ECT2: variants seen among roughly 807,000 people sequenced by gnomAD.
ECT2 encodes protein ECT2.
A neutral mutation model predicts 116.9 loss-of-function variants in ECT2; 61 were observed. That is an observed-to-expected ratio of 0.52 (90% CI 0.42 to 0.65). ECT2 has a LOEUF of 0.65. Among genes scored for constraint, ECT2 ranks in the 30% least tolerant of loss-of-function variants. ECT2 has a pLI of 0.00. For synonymous variants in ECT2, 358 were observed against 346.4 expected, an observed-to-expected ratio of 1.03 and a Z score of -0.37; for missense variants, 937 against 1,078.7, an observed-to-expected ratio of 0.87 and a Z score of 1.84.
intron 14 of ECT2, among the ~76,000 whole-genome samples, chr3:172,777,300 C>CT (rs1353054962): frequency 1.3e-5 from 2 of 151,966 alleles, no homozygotes; most frequent in Non-Finnish European, 2.9e-5. Flanking sequence ...AGTGTTAAAA[C>CT]TTTTTTTTAC....
chr3:172,802,684 A>G lies in ECT2; in HGVS notation c.1976A>G (p.Asp659Gly). The G allele has an allele frequency of 5.0e-6, 8 of 1,600,550 alleles. No individual in the cohort carries two copies. The highest frequency in any genetic ancestry group is 6.8e-6 in the Non-Finnish European group (8 of 1,173,148). The part of the protein sequence containing the change: ...KQIFDVVYEV[D>G]GCPANLLSSH... ...ATTTTTGATGTTGTTTATGAAGTAG[A>G]TGGATGCCCAGTAAGTATTCTTCTT... The change falls in exon 19 of 25, where the codon GAT (aspartate) becomes GGT (glycine). Residue 659 changes from aspartate (D) to glycine (G), a missense_variant. Physicochemically the swap from Asp to Gly is moderately conservative, Grantham distance 94. Transcript: ENST00000392692.
chr3:172,771,042 C>A (rs1275119198), intron 13 of ECT2, among the ~76,000 whole-genome samples: 3 of 151,950 alleles, frequency 2.0e-5, no homozygotes, highest in African/African-American at 7.2e-5. Flanking sequence ...TCGAAGTGAA[C>A]TTTTTTTTCT....
At chr3:172,824,511 TC>T (rs1345824281), downstream of ECT2, among the ~76,000 whole-genome samples, 1 of 152,032 alleles carries the variant, frequency 6.6e-6, no homozygotes, top group Non-Finnish European at 1.5e-5. Flanking sequence ...TCCAATTACC[TC>T]CCACCAGGCC....
At chr3:172,754,908 G>T (rs1018327558) in intron 2 of ECT2, among the ~76,000 whole-genome samples, 1 of 151,960 alleles carries the variant, frequency 6.6e-6, no homozygotes, top group Non-Finnish European at 1.5e-5. Context: ...ATGTGAGGGC[G>T]GTCTAGCTAC....
intron 13 of ECT2, among the ~76,000 whole-genome samples, chr3:172,770,454 A>G (rs547330140): frequency 2.7e-4 from 41 of 152,340 alleles, no homozygotes; most frequent in Non-Finnish European, 5.4e-4. Flanking sequence ...AAACTCATCA[A>G]AGGTTTGTTT....
rs1008089831 is a variant in ECT2, at chr3:172,762,750, A to G, written c.949A>G (p.Ile317Val). 5.0e-6 allele frequency: 8 copies of G among 1,613,178 alleles called. No homozygotes were observed. The Admixed American group carries it at 1.0e-4, about 20-fold the overall frequency. ...RCTHLVVEEN[I>V]VKDLPFEPSK... ...CACTCACCTTGTAGTTGAAGAGAATATAGTAAAAGATCTTCCCTTTGAACC... is the reference window on the plus strand; with the variant it reads ...CACTCACCTTGTAGTTGAAGAGAATGTAGTAAAAGATCTTCCCTTTGAACC... Residue 317 changes from isoleucine (I) to valine (V), a missense_variant, in exon 10 of 25, where the codon ATA becomes GTA. Coordinates refer to ENST00000392692, the MANE Select transcript of ECT2 (RefSeq NM_001258315.2).
intron 3 of ECT2, 23 bp from the exon 4 acceptor site, chr3:172,755,460 A>G (rs1716787760): frequency 1.3e-6 from 2 of 1,497,738 alleles, no homozygotes; most frequent in Non-Finnish European, 9.0e-7. Flanking sequence ...TCTTAACCTC[A>G]TACTTAAGTC....
chr3:172,768,207 G>A (rs1038081805), intron 12 of ECT2, among the ~76,000 whole-genome samples: 5 of 152,000 alleles, frequency 3.3e-5, no homozygotes, highest in African/African-American at 7.2e-5. Context: ...ACAAGTTTTC[G>A]TTATTGTAAT....
At chr3:172,763,683 T>G (rs1462841421) in intron 11 of ECT2, among the ~76,000 whole-genome samples, 11 of 152,152 alleles carry the variant, frequency 7.2e-5, no homozygotes, top group Non-Finnish European at 1.2e-4. Context: ...TGGTGAAGAG[T>G]AGTATCACTC....
At chr3:172,792,353 A>G (rs1724825748) in intron 18 of ECT2, among the ~76,000 whole-genome samples, 2 of 152,212 alleles carry the variant, frequency 1.3e-5, no homozygotes, top group Admixed American at 1.3e-4. Flanking sequence ...CAACAAAGAA[A>G]ACACTATATG....
chr3:172,778,532 C>T (rs1722146751), intron 14 of ECT2, among the ~76,000 whole-genome samples: 1 of 148,472 alleles, frequency 6.7e-6, no homozygotes, highest in African/African-American at 2.5e-5. Flanking sequence ...AGGAAAGTTA[C>T]TTAATCTCTC....
At chr3:172,786,415 C>G (rs1285005736) in intron 17 of ECT2, 78 bp from the exon 18 acceptor site, 16 of 871,632 alleles carry the variant, frequency 1.8e-5, no homozygotes, top group Non-Finnish European at 2.5e-5. Context: ...TTAGCTGTAT[C>G]AAGATGGACA....
chr3:172,808,027 G>A (rs1031570534), intron 22 of ECT2, 103 bp downstream of exon 22: 18 of 1,175,608 alleles, frequency 1.5e-5, no homozygotes, highest in East Asian at 1.3e-4. Flanking sequence ...TGAATGGAGA[G>A]TTTTAGTTTT....
chr3:172,778,172 G>C (rs1264079650), intron 14 of ECT2, among the ~76,000 whole-genome samples: 1 of 152,148 alleles, frequency 6.6e-6, no homozygotes, highest in Non-Finnish European at 1.5e-5. Flanking sequence ...AGCCCCATCT[G>C]TTTATGACTT....
intron 1 of ECT2, chr3:172,752,469 G>A (rs1716078085): frequency 1.3e-5 from 2 of 151,882 alleles, no homozygotes; most frequent in Middle Eastern, 3.5e-3. Context: ...AGTCCTTAAA[G>A]CAGGTTAGCT....
intron 24 of ECT2, among the ~76,000 whole-genome samples, chr3:172,817,329 A>G (rs1219129170): frequency 6.6e-6 from 1 of 152,148 alleles, no homozygotes; most frequent in Non-Finnish European, 1.5e-5. Context: ...AAACCCTACT[A>G]TGAATGAACT....
chr3:172,787,196 A>C (rs1187572823), intron 18 of ECT2, among the ~76,000 whole-genome samples: 3 of 152,188 alleles, frequency 2.0e-5, no homozygotes, highest in African/African-American at 7.2e-5. Flanking sequence ...TTTGCCTCAG[A>C]GAAGGCACTT....
intron 15 of ECT2, among the ~76,000 whole-genome samples, chr3:172,783,377 G>A (rs1723057839): frequency 6.6e-6 from 1 of 151,870 alleles, no homozygotes; most frequent in African/African-American, 2.4e-5. Context: ...AGCCAACATT[G>A]TTTTCCTTTT....
At chr3:172,809,491 C>T (rs940365316) in intron 22 of ECT2, among the ~76,000 whole-genome samples, 3 of 151,324 alleles carry the variant, frequency 2.0e-5, no homozygotes, top group Non-Finnish European at 4.4e-5. Flanking sequence ...CCCTTTCCTG[C>T]GTTTAAAGTT....
Sources: allele counts gnomAD v4.1 joint callset (sites outside exome capture counted in the v4.1 genomes callset), GRCh38; gene constraint gnomAD v4.1.1; transcripts MANE v1.5; gene names NCBI Gene and HGNC (gene_info 2026-07-23, HGNC 2026-07-21).